Variants in SCD5 observed in about 807,000 individuals in gnomAD.
SCD5 encodes acyl-CoA-desaturase 4.
In SCD5, 20 loss-of-function variants were observed where a neutral mutation model predicts 30.4. That is an observed-to-expected ratio of 0.66 (90% CI 0.46 to 0.96). The LOEUF (loss-of-function observed/expected upper bound fraction) is 0.96, where lower values mean the gene tolerates loss of function less well. Among genes scored for constraint, SCD5 ranks in the 40% least tolerant of loss-of-function variants. The pLI, the probability that SCD5 is intolerant of heterozygous loss-of-function variation, is 0.00. For missense variants in SCD5, 381 were observed against 443.3 expected (o/e 0.86, Z 1.26); for synonymous variants, 173 against 176.4 (o/e 0.98, Z 0.16).
intron 3 of SCD5, among the ~76,000 whole-genome samples, chr4:82,664,999 C>CTCTCTCTCTCTCTATATATA (rs1219554314): frequency 4.3e-5 from 3 of 70,490 alleles, no homozygotes; most frequent in South Asian, 7.3e-4. Flanking sequence ...CTCTCTCTCT[C>CTCTCTCTCTCTCTATATATA]TATATATATA....
At chr4:82,706,780 T>G (rs2148827911) in intron 1 of SCD5, among the ~76,000 whole-genome samples, 1 of 152,364 alleles carries the variant, frequency 6.6e-6, no homozygotes, top group South Asian at 2.1e-4. Context: ...CACTGGTTGC[T>G]GACCTAGGAG....
intron 3 of SCD5, among the ~76,000 whole-genome samples, chr4:82,662,511 G>T (rs538557829): frequency 6.6e-6 from 1 of 151,854 alleles, no homozygotes; most frequent in African/African-American, 2.4e-5. Flanking sequence ...CATAGCTGTG[G>T]TCAAAGATTT....
intron 2 of SCD5, among the ~76,000 whole-genome samples, chr4:82,683,315 G>T (rs749460585): frequency 2.0e-5 from 3 of 152,206 alleles, no homozygotes; most frequent in Non-Finnish European, 4.4e-5. Flanking sequence ...AATCAAGACT[G>T]CTGTGGTCTA....
intron 1 of SCD5, among the ~76,000 whole-genome samples, chr4:82,781,675 A>T (rs1324319696): frequency 6.6e-6 from 1 of 152,098 alleles, no homozygotes; most frequent in Non-Finnish European, 1.5e-5. Context: ...GTAGGAGTGG[A>T]CTAACTATAA....
intron 3 of SCD5, among the ~76,000 whole-genome samples, chr4:82,651,174 C>G (rs1358122370): frequency 6.6e-6 from 1 of 152,166 alleles, no homozygotes; most frequent in Non-Finnish European, 1.5e-5. Flanking sequence ...TACAGACCCT[C>G]TGAAAGGGTC....
chr4:82,712,515 A>C (rs1478748977), intron 1 of SCD5, among the ~76,000 whole-genome samples: 2 of 150,544 alleles, frequency 1.3e-5, no homozygotes, highest in Non-Finnish European at 3.0e-5. Flanking sequence ...ACTGGGTTTC[A>C]CCATGTTGGC....
intron 1 of SCD5, among the ~76,000 whole-genome samples, chr4:82,765,792 G>A (rs1157565006): frequency 6.6e-6 from 1 of 151,948 alleles, no homozygotes; most frequent in Non-Finnish European, 1.5e-5. Context: ...GCTAATTTTT[G>A]TATTTTTAGT....
intron 2 of SCD5, among the ~76,000 whole-genome samples, chr4:82,693,894 C>T (rs1719621808): frequency 6.6e-6 from 1 of 152,206 alleles, no homozygotes; most frequent in Admixed American, 6.5e-5. Context: ...ATATTGCACA[C>T]ACTGGCCGGA....
At chr4:82,701,184 A>T (rs1719830540) in intron 2 of SCD5, among the ~76,000 whole-genome samples, 1 of 152,216 alleles carries the variant, frequency 6.6e-6, no homozygotes. Flanking sequence ...GTGGGTTTCG[A>T]TTAGTTGTAA....
chr4:82,666,372 C>T (rs1191837660), intron 3 of SCD5, among the ~76,000 whole-genome samples: 1 of 152,086 alleles, frequency 6.6e-6, no homozygotes, highest in Non-Finnish European at 1.5e-5. Context: ...AAATGTTAGC[C>T]GGGCGTGGTG....
chr4:82,645,984 T>C (rs1727627186), intron 3 of SCD5, among the ~76,000 whole-genome samples: 1 of 152,138 alleles, frequency 6.6e-6, no homozygotes, highest in African/African-American at 2.4e-5. Context: ...AGTCCAGAGC[T>C]GGTGGTGTGT....
At chr4:82,744,380 A>G (rs182213341) in intron 1 of SCD5, among the ~76,000 whole-genome samples, 1 of 152,346 alleles carries the variant, frequency 6.6e-6, no homozygotes, top group Non-Finnish European at 1.5e-5. Flanking sequence ...AAAAGTCCCT[A>G]ACTGCTCATC....
At chr4:82,683,658 T>TA (rs1728628576) in intron 2 of SCD5, among the ~76,000 whole-genome samples, 1 of 152,218 alleles carries the variant, frequency 6.6e-6, no homozygotes, top group Non-Finnish European at 1.5e-5. Context: ...ATCTCATCTG[T>TA]AACTGTAATC....
At chr4:82,741,099 A>ATT (rs34852290) in intron 1 of SCD5, among the ~76,000 whole-genome samples, 1 of 139,202 alleles carries the variant, frequency 7.2e-6, no homozygotes, top group Non-Finnish European at 1.6e-5. Flanking sequence ...GTGCCAGCTA[A>ATT]TTTTTTTTTT....
intron 1 of SCD5, among the ~76,000 whole-genome samples, chr4:82,739,876 T>C (rs1720837107): frequency 6.6e-6 from 1 of 152,314 alleles, no homozygotes; most frequent in South Asian, 2.1e-4. Context: ...ATGGACTTGA[T>C]GTGTTTAAAA....
chr4:82,766,637 G>A (rs1242442801), intron 1 of SCD5, among the ~76,000 whole-genome samples: 2 of 152,050 alleles, frequency 1.3e-5, no homozygotes, highest in African/African-American at 2.4e-5. Context: ...TGCATACCTT[G>A]TAATTTTTTA....
At chr4:82,794,446 A>G (rs894844453) in intron 1 of SCD5, among the ~76,000 whole-genome samples, 1 of 152,208 alleles carries the variant, frequency 6.6e-6, no homozygotes, top group South Asian at 2.1e-4. Context: ...TCTGGAGGCC[A>G]TCAGGGGAGG....
chr4:82,689,992 A>G (rs1238159004), intron 2 of SCD5, among the ~76,000 whole-genome samples: 1 of 152,218 alleles, frequency 6.6e-6, no homozygotes, highest in Non-Finnish European at 1.5e-5. Flanking sequence ...TTTCAAAAAT[A>G]TTGATGGCAT....
intron 3 of SCD5, among the ~76,000 whole-genome samples, chr4:82,645,466 A>T (rs1727619167): frequency 6.6e-6 from 1 of 152,176 alleles, no homozygotes; most frequent in African/African-American, 2.4e-5. Context: ...AAGCAGTCAA[A>T]CTCACTTTAC....
Sources: allele counts gnomAD v4.1 joint callset (sites outside exome capture counted in the v4.1 genomes callset), GRCh38; gene constraint gnomAD v4.1.1; transcripts MANE v1.5; gene names NCBI Gene and HGNC (gene_info 2026-07-23, HGNC 2026-07-21).